Variants in PDE3A observed in about 807,000 individuals in gnomAD.
PDE3A encodes the protein phosphodiesterase 3A, also known as cGMP-inhibited 3',5'-cyclic phosphodiesterase 3A.
A neutral mutation model predicts 98.3 loss-of-function variants in PDE3A; 43 were observed. The observed-to-expected ratio is 0.44, with a 90% CI of 0.34 to 0.56. PDE3A has a LOEUF of 0.56. Ranked by LOEUF, PDE3A falls within the 20% of genes least tolerant of loss-of-function variation. PDE3A has a pLI of 0.01. For synonymous variants in PDE3A, 663 were observed against 567.9 expected, an observed-to-expected ratio of 1.17 and a Z score of -2.38; for missense variants, 1,427 against 1,440.7, an observed-to-expected ratio of 0.99 and a Z score of 0.15.
chr12:20,486,673 A>T lies in PDE3A; in HGVS notation c.961-69987A>T, dbSNP rs529655037. ...TTTTGAGACAGAGTCTTGCTCTGTC[A>T]CCTGTGCTGGAGTGCAGTGGTGCAA... On this transcript the variant is annotated intron_variant, in intron 1 of 15. Coordinates refer to ENST00000359062, the MANE Select transcript of PDE3A (RefSeq NM_000921.5). Among the ~76,000 whole-genome samples the T allele has an allele frequency of 9.2e-5, 14 of 152,292 alleles. 1 individual carries two copies. Among genetic ancestry groups the T allele is most frequent in the African/African-American group, 3.4e-4 (14 of 41,568 alleles).
intron 1 of PDE3A, among the ~76,000 whole-genome samples, chr12:20,493,921 C>T (rs1278844732): frequency 2.6e-5 from 4 of 152,236 alleles, no homozygotes; most frequent in African/African-American, 4.8e-5. Context: ...TGAGCCAGCA[C>T]GCCTGGCCGC....
At position 20,618,611 on chromosome 12, in the gene PDE3A, A is replaced by G. The variant is rs557168134; in HGVS notation, c.1424+2227A>G. ...TGAAATGTACTGTGTTCTTAGAGGC[A>G]AGTCATTAGCCTGCCAGAATCTCTG... On this transcript the variant is annotated intron_variant, in intron 4 of 15. Coordinates refer to ENST00000359062, the MANE Select transcript of PDE3A (RefSeq NM_000921.5). Among the ~76,000 whole-genome samples, 51 of 152,208 alleles carry G rather than the reference A, an allele frequency of 3.4e-4. 1 individual carries two copies. Among genetic ancestry groups the G allele is most frequent in the Non-Finnish European group, 5.9e-5 (4 of 67,978 alleles).
At chr12:20,453,553 G>A (rs1385453089) in intron 1 of PDE3A, among the ~76,000 whole-genome samples, 2 of 152,080 alleles carry the variant, frequency 1.3e-5, no homozygotes, top group African/African-American at 4.8e-5. Context: ...AAGAGAGAAC[G>A]ATGATTTGTC....
chr12:20,600,284 T>G (rs1211787198), intron 2 of PDE3A, among the ~76,000 whole-genome samples: 1 of 152,186 alleles, frequency 6.6e-6, no homozygotes, highest in African/African-American at 2.4e-5. Context: ...CCAAACTGAT[T>G]CCTTCTCTTT....
At chr12:20,588,688 C>G (rs4131319) in intron 2 of PDE3A, among the ~76,000 whole-genome samples, 145,036 of 152,124 alleles carry the variant, frequency 0.95, 69,138 homozygotes, top group East Asian at 1. Context: ...GTCAGCCCCT[C>G]CTCAATATGG....
intron 2 of PDE3A, among the ~76,000 whole-genome samples, chr12:20,589,054 C>T (rs962747127): frequency 2.6e-5 from 4 of 152,078 alleles, no homozygotes; most frequent in African/African-American, 9.7e-5. Flanking sequence ...TCCCGAGTAG[C>T]TGGGAGTACA....
At chr12:20,386,202 A>AATATATAT (rs1943795531) in intron 1 of PDE3A, among the ~76,000 whole-genome samples, 10 of 61,432 alleles carry the variant, frequency 1.6e-4, no homozygotes, top group African/African-American at 6.1e-4. Context: ...TAAATATATA[A>AATATATAT]AAATATATAT....
intron 1 of PDE3A, among the ~76,000 whole-genome samples, chr12:20,406,995 G>A (rs1944244834): frequency 6.6e-6 from 1 of 152,100 alleles, no homozygotes; most frequent in African/African-American, 2.4e-5. Flanking sequence ...TAAGGATTAG[G>A]TGACCGCATG....
chr12:20,538,358 A>T (rs368371925), intron 1 of PDE3A, among the ~76,000 whole-genome samples: 10 of 152,172 alleles, frequency 6.6e-5, no homozygotes, highest in Admixed American at 2.0e-4. Flanking sequence ...GACAGGGAAA[A>T]TAGGAAGGCA....
At position 20,369,188 on chromosome 12, in the gene PDE3A, T is replaced by TGCGTGC; in HGVS notation, c.-92_-91insCGCGTG. 1 of 726,858 alleles carries TGCGTGC rather than the reference T, an allele frequency of 1.4e-6. No individual in the cohort carries two copies. The highest frequency in any genetic ancestry group is 2.1e-6 in the Non-Finnish European group (1 of 477,114). The allele number at this position is 726,858 out of a possible 1,614,324, so 45.0% of individuals were successfully genotyped here. ...AGGGTGGAATTGGGAAGAGCGTGCGTGCGTGTGTGTGTGTGTGTGTGTGCG... is the reference window on the plus strand; with the variant it reads ...AGGGTGGAATTGGGAAGAGCGTGCGTGCGTGCGCGTGTGTGTGTGTGTGTGTGTGCG... On this transcript the variant is annotated 5_prime_UTR_variant, in exon 1 of 16. Coordinates refer to ENST00000359062, the MANE Select transcript of PDE3A (RefSeq NM_000921.5).
At chr12:20,479,268 A>C (rs1264488748) in intron 1 of PDE3A, among the ~76,000 whole-genome samples, 1 of 152,226 alleles carries the variant, frequency 6.6e-6, no homozygotes, top group Non-Finnish European at 1.5e-5. Context: ...TATCAAATGT[A>C]GTGTAGTCTA....
intron 1 of PDE3A, among the ~76,000 whole-genome samples, chr12:20,445,318 C>T (rs1029582681): frequency 3.3e-5 from 5 of 151,878 alleles, no homozygotes; most frequent in East Asian, 3.9e-4. Context: ...ATGAACTACA[C>T]ACCTTGAGAA....
At chr12:20,613,127 G>T (rs1053907529) in intron 2 of PDE3A, among the ~76,000 whole-genome samples, 28 of 152,036 alleles carry the variant, frequency 1.8e-4, no homozygotes, top group African/African-American at 6.0e-4. Context: ...TCTTCATAAG[G>T]AGTGATATGA....
intron 1 of PDE3A, among the ~76,000 whole-genome samples, chr12:20,467,933 C>CAAAAAAAAAAAAAAAAAA (rs60320142): frequency 2.8e-5 from 1 of 35,698 alleles, no homozygotes; most frequent in African/African-American, 1.0e-4. Context: ...GACTCCTTCT[C>CAAAAAAAAAAAAAAAAAA]AAAAAAAAAA....
At position 20,477,453 on chromosome 12, in the gene PDE3A, G is replaced by A. The variant is rs540153624; in HGVS notation, c.961-79207G>A. 2.6e-5 allele frequency among the ~76,000 whole-genome samples: 4 copies of A among 152,232 alleles called. No individual in the cohort carries two copies. The South Asian group carries it at 6.2e-4, about 24-fold the overall frequency. On this transcript the variant is annotated intron_variant, in intron 1 of 15. Transcript: ENST00000359062. ...TTTCCAGTTGCTGATCGGCAATAATGAACCCCTGCTCTGTTGTTAAATACT... is the reference window on the plus strand; with the variant it reads ...TTTCCAGTTGCTGATCGGCAATAATAAACCCCTGCTCTGTTGTTAAATACT...
chr12:20,680,411 G>GTGTGTATA lies in PDE3A; in HGVS notation c.*142_*149dup. 1 of 898,058 alleles carries GTGTGTATA rather than the reference G, an allele frequency of 1.1e-6. No homozygotes were observed. The allele number at this position is 898,058 out of a possible 1,614,324, so 55.6% of individuals were successfully genotyped here. ...TGCATTTTGGGATTCTTCGCATTTTGTGTGTATATTTTTACAGTGAGGTAC... is the reference window on the plus strand; with the variant it reads ...TGCATTTTGGGATTCTTCGCATTTTGTGTGTATATGTGTATATTTTTACAGTGAGGTAC... On this transcript the variant is annotated 3_prime_UTR_variant, in exon 16 of 16. Coordinates refer to ENST00000359062, the MANE Select transcript of PDE3A (RefSeq NM_000921.5).
In PDE3A at chr12:20,369,404, C is replaced by T. The variant is rs1178072252; in HGVS notation, c.120C>T (p.Asp40=). 2 of 1,552,964 alleles carry T rather than the reference C, an allele frequency of 1.3e-6. No homozygotes were observed. The highest frequency in any genetic ancestry group is 1.2e-5 in the South Asian group (1 of 84,216). Residue 40 remains aspartate, a synonymous_variant, in exon 1 of 16, where the codon GAC becomes GAT. Coordinates refer to ENST00000359062, the MANE Select transcript of PDE3A (RefSeq NM_000921.5). ...GTGCGGACCCCGCATCGCCGCGGGA[C>T]TCGGGCTGCCGTGGCTGCTGGGGAG... ...HHRADPASPR[D]SGCRGCWGDL... is the part of the protein sequence containing the mutation.
In PDE3A at chr12:20,501,842, C is replaced by T. The variant is rs193034878; in HGVS notation, c.961-54818C>T. 3.0e-3 allele frequency among the ~76,000 whole-genome samples: 450 copies of T among 152,170 alleles called. 4 individuals carry two copies. The highest frequency in any genetic ancestry group is 9.8e-3 in the African/African-American group (406 of 41,554). On this transcript the variant is annotated intron_variant, in intron 1 of 15. Coordinates refer to ENST00000359062, the MANE Select transcript of PDE3A (RefSeq NM_000921.5). The stretch of plus-strand genomic sequence containing the variant: ...TCATGCTTTTGATGTATCAATTTAG[C>T]ACATTAAGCTGTCATTATTCCAGTC...
Position 20,683,995 on chromosome 12 carries a change from A to T in PDE3A, c.*3724A>T, listed in dbSNP as rs1178353983. 6.6e-6 allele frequency: 1 copy of T among 152,120 alleles called. No homozygotes were observed. Among genetic ancestry groups the T allele is most frequent in the African/African-American group, 2.4e-5 (1 of 41,426 alleles). The allele number at this position is 152,120 out of a possible 1,614,324, so 9.4% of individuals were successfully genotyped here. A position where few individuals can be genotyped will look rare whatever the true frequency, so the allele number is the denominator to read the frequency against. Reference sequence around the variant, plus strand: ...GTAAAAGCTGTGCAAAAGGCATGAGACTCAGGCCTACTCTTTGTTTAAATG... The same window carrying T: ...GTAAAAGCTGTGCAAAAGGCATGAGTCTCAGGCCTACTCTTTGTTTAAATG... On this transcript the variant is annotated 3_prime_UTR_variant, in exon 16 of 16. Transcript: ENST00000359062.
Sources: gnomAD v4.1 joint callset for allele counts (sites outside exome capture counted in the v4.1 genomes callset) on GRCh38, gnomAD v4.1.1 for gene constraint, MANE v1.5 for transcripts, NCBI Gene and HGNC (gene_info 2026-07-23, HGNC 2026-07-21) for gene names.